Variants in DRD3 observed in about 807,000 individuals in gnomAD.
The protein encoded by DRD3 is dopamine receptor D3, also known as D(3) dopamine receptor.
A neutral mutation model predicts 36.3 loss-of-function variants in DRD3; 19 were observed. The ratio of observed to expected loss-of-function variants is 0.52; its 90% CI spans 0.36 to 0.77. DRD3 has a LOEUF of 0.77. DRD3 is among the 30% of genes least tolerant of loss of function. The pLI is 0.00. For missense variants in DRD3, 465 were observed against 505.3 expected (o/e 0.92, Z 0.77); for synonymous variants, 195 against 203.7 (o/e 0.96, Z 0.36).
chr3:114,138,166 C>G (rs1453250591), intron 5 of DRD3, among the ~76,000 whole-genome samples: 2 of 28,642 alleles, frequency 7.0e-5, no homozygotes, highest in African/African-American at 2.1e-4. Flanking sequence ...GAGACTCTGT[C>G]TCAAAAAAAA....
upstream of DRD3, among the ~76,000 whole-genome samples, chr3:114,181,411 T>C (rs1341368878): frequency 6.6e-6 from 1 of 151,896 alleles, no homozygotes; most frequent in African/African-American, 2.4e-5. Flanking sequence ...TAGGTGAAGA[T>C]TAGCAATTGC....
At chr3:114,162,468 G>T (rs892185598) in intron 2 of DRD3, among the ~76,000 whole-genome samples, 2 of 152,196 alleles carry the variant, frequency 1.3e-5, no homozygotes, top group Admixed American at 6.5e-5. Context: ...TCCCAGAGCA[G>T]GGCCCAACCA....
At position 114,128,455 on chromosome 3, in the gene DRD3, C is replaced by A. The variant is rs1383150177; in HGVS notation, c.*261G>T. 6.6e-6 allele frequency among the ~76,000 whole-genome samples: 1 copy of A among 152,188 alleles called. No individual in the cohort carries two copies. Among genetic ancestry groups the A allele is most frequent in the Non-Finnish European group, 1.5e-5 (1 of 68,024 alleles). ...CAATTTTGTGTGAGTCATGTTTTATCAGCTTCTTTCTGAATTATTGCTTAT... is the reference window on the plus strand; with the variant it reads ...CAATTTTGTGTGAGTCATGTTTTATAAGCTTCTTTCTGAATTATTGCTTAT... On this transcript the variant is annotated 3_prime_UTR_variant, in exon 7 of 7. Coordinates refer to ENST00000383673, the MANE Select transcript of DRD3 (RefSeq NM_000796.6).
chr3:114,154,827 A>G (rs949263156), intron 3 of DRD3, among the ~76,000 whole-genome samples: 17 of 152,094 alleles, frequency 1.1e-4, no homozygotes, highest in Non-Finnish European at 1.6e-4. Flanking sequence ...CTCTTCTGAC[A>G]CATTCTCAGC....
At chr3:114,164,021 G>C (rs1252615814) in intron 2 of DRD3, among the ~76,000 whole-genome samples, 2 of 151,798 alleles carry the variant, frequency 1.3e-5, no homozygotes, top group African/African-American at 2.4e-5. Flanking sequence ...AGGAGTTCGA[G>C]ACCAGCCTGG....
intron 1 of DRD3, among the ~76,000 whole-genome samples, chr3:114,190,272 C>T (rs533241859): frequency 6.2e-4 from 93 of 150,804 alleles, no homozygotes; most frequent in African/African-American, 2.1e-3. Flanking sequence ...CTTTGCCAAG[C>T]AAAAATATGT....
At chr3:114,184,671 T>TTTTTTTTTTGAGA (rs1458528095) in intron 1 of DRD3, among the ~76,000 whole-genome samples, 1 of 151,814 alleles carries the variant, frequency 6.6e-6, no homozygotes, top group Non-Finnish European at 1.5e-5. Context: ...CTCCTTCTTT[T>TTTTTTTTTTGAGA]CCTGCTTCAG....
At chr3:114,157,605 A>G (rs907168870) in intron 3 of DRD3, among the ~76,000 whole-genome samples, 9 of 152,140 alleles carry the variant, frequency 5.9e-5, no homozygotes, top group Non-Finnish European at 8.8e-5. Context: ...ACAGCCTCAC[A>G]TTTCCTTTTA....
At position 114,168,852 on chromosome 3, in the gene DRD3, G is replaced by A. The variant is rs148601682; in HGVS notation, c.270+2871C>T. Among the ~76,000 whole-genome samples the A allele has an allele frequency of 1.7e-4, 26 of 152,322 alleles. No individual in the cohort carries two copies. In the East Asian group the frequency reaches 5.0e-3, roughly 29 times the overall value. ...AAACATTCCTACCTCATAAATACTGGTGTCTGGCAAAATGAGCCAATTTTC... is the reference window on the plus strand; with the variant it reads ...AAACATTCCTACCTCATAAATACTGATGTCTGGCAAAATGAGCCAATTTTC... On this transcript the variant is annotated intron_variant, in intron 2 of 6. Coordinates refer to ENST00000383673, the MANE Select transcript of DRD3 (RefSeq NM_000796.6).
intron 5 of DRD3, among the ~76,000 whole-genome samples, chr3:114,135,752 A>G (rs1018341057): frequency 6.6e-6 from 1 of 151,744 alleles, no homozygotes; most frequent in Admixed American, 6.6e-5. Flanking sequence ...TGTAGTGGTG[A>G]AATCTCTGCT....
chr3:114,139,877 T>C (rs2077509632), intron 4 of DRD3, among the ~76,000 whole-genome samples, 181 bp from the exon 5 acceptor site: 1 of 152,182 alleles, frequency 6.6e-6, no homozygotes, highest in African/African-American at 2.4e-5. Flanking sequence ...TAATTCATCT[T>C]TGAGTTTCTT....
intron 2 of DRD3, among the ~76,000 whole-genome samples, chr3:114,165,010 C>T (rs757546039): frequency 6.6e-6 from 1 of 152,290 alleles, no homozygotes; most frequent in South Asian, 2.1e-4. Context: ...CTCGGCCTCC[C>T]GAAGTGCTGA....
chr3:114,172,697 C>T (rs2077858477), intron 1 of DRD3, among the ~76,000 whole-genome samples: 1 of 152,178 alleles, frequency 6.6e-6, no homozygotes, highest in Non-Finnish European at 1.5e-5. Flanking sequence ...TATTACTTTA[C>T]CTCTCTGAGC....
chr3:114,166,387 T>C (rs1577613426), intron 2 of DRD3, among the ~76,000 whole-genome samples: 1 of 152,194 alleles, frequency 6.6e-6, no homozygotes, highest in Admixed American at 6.5e-5. Flanking sequence ...TGCAACAGTG[T>C]TGGGAGATGG....
At chr3:114,144,491 T>G (rs1251421443) in intron 4 of DRD3, among the ~76,000 whole-genome samples, 3 of 152,138 alleles carry the variant, frequency 2.0e-5, no homozygotes, top group Non-Finnish European at 4.4e-5. Flanking sequence ...GGAACCCACA[T>G]CTATCAAGAT....
At chr3:114,176,303 GTTAGTCA>G (rs1392004615) in intron 1 of DRD3, 2 of 152,110 alleles carry the variant, frequency 1.3e-5, no homozygotes, top group African/African-American at 4.8e-5. Context: ...GGAAGTTGAC[GTTAGTCA>G]TTCCCAGCCC....
chr3:114,139,436 G>T, intron 5 of DRD3, 64 bp downstream of exon 5: 2 of 1,523,602 alleles, frequency 1.3e-6, no homozygotes, highest in Non-Finnish European at 1.8e-6. Context: ...TGCACTGCTG[G>T]ACACAGGCTG....
chr3:114,142,662 C>T (rs2077536046), intron 4 of DRD3, among the ~76,000 whole-genome samples: 1 of 152,152 alleles, frequency 6.6e-6, no homozygotes, highest in South Asian at 2.1e-4. Context: ...GGGAGACCTA[C>T]ATATAAGTAT....
chr3:114,160,758 A>C (rs756201340), intron 2 of DRD3, among the ~76,000 whole-genome samples: 3 of 152,224 alleles, frequency 2.0e-5, no homozygotes, highest in Non-Finnish European at 4.4e-5. Flanking sequence ...ATGTAAAATA[A>C]GTCTGTGCCA....
Sources: gnomAD v4.1 joint callset for allele counts (sites outside exome capture counted in the v4.1 genomes callset) on GRCh38, gnomAD v4.1.1 for gene constraint, MANE v1.5 for transcripts, NCBI Gene and HGNC (gene_info 2026-07-23, HGNC 2026-07-21) for gene names.